Variants in COL24A1 observed in about 807,000 individuals in gnomAD.
The protein encoded by COL24A1 is collagen type XXIV alpha 1 chain, also known as collagen alpha-1(XXIV) chain.
COL24A1 carries 224 observed loss-of-function variants against 253.9 expected under a neutral mutation model. The observed-to-expected ratio is 0.88, with a 90% CI of 0.79 to 0.99. The LOEUF (loss-of-function observed/expected upper bound fraction) is 0.99, where lower values mean the gene tolerates loss of function less well. Among genes scored for constraint, COL24A1 ranks in the 50% least tolerant of loss-of-function variants. The pLI, the probability that COL24A1 is intolerant of heterozygous loss-of-function variation, is 0.00. For missense variants in COL24A1, 2,131 were observed against 2,068.5 expected (o/e 1.03, Z -0.59); for synonymous variants, 685 against 673.7 (o/e 1.02, Z -0.26).
intron 5 of COL24A1, among the ~76,000 whole-genome samples, chr1:86,110,210 T>C (rs925970273): frequency 1.3e-5 from 2 of 151,764 alleles, no homozygotes; most frequent in Non-Finnish European, 2.9e-5. Context: ...ATATACACAA[T>C]GGAAATGGGA....
chr1:85,776,478 A>G (rs114037202), intron 52 of COL24A1, among the ~76,000 whole-genome samples: 23 of 120,096 alleles, frequency 1.9e-4, no homozygotes, highest in South Asian at 1.6e-3. Context: ...TGAAAATTTT[A>G]TATGTATATA....
chr1:86,013,558 A>G (rs489325), intron 19 of COL24A1, among the ~76,000 whole-genome samples: 47,334 of 152,140 alleles, frequency 0.31, 7,888 homozygotes, highest in Middle Eastern at 0.51. Flanking sequence ...AAACTGGGCC[A>G]GACATGGTGG....
intron 7 of COL24A1, among the ~76,000 whole-genome samples, chr1:86,088,759 T>C (rs1325802725): frequency 6.6e-6 from 1 of 152,172 alleles, no homozygotes; most frequent in Non-Finnish European, 1.5e-5. Flanking sequence ...TATAAGCAAG[T>C]AAACCTCACT....
At chr1:86,079,327 T>G (rs1702469872) in intron 7 of COL24A1, among the ~76,000 whole-genome samples, 1 of 152,142 alleles carries the variant, frequency 6.6e-6, no homozygotes, top group Non-Finnish European at 1.5e-5. Flanking sequence ...GACTTAAATC[T>G]AAAACCTCAA....
chr1:86,013,647 T>C (rs1409141283), intron 19 of COL24A1, among the ~76,000 whole-genome samples: 1 of 151,970 alleles, frequency 6.6e-6, no homozygotes, highest in African/African-American at 2.4e-5. Context: ...ACCAGCTTAG[T>C]CAACATGGCA....
chr1:85,823,655 A>T, intron 44 of COL24A1, 30 bp downstream of exon 44: 1 of 1,613,470 alleles, frequency 6.2e-7, no homozygotes, highest in Non-Finnish European at 8.5e-7. Flanking sequence ...ATTAATGTTA[A>T]TTTTTAGAAA....
intron 43 of COL24A1, among the ~76,000 whole-genome samples, chr1:85,828,934 A>C (rs1570796112): frequency 6.6e-6 from 1 of 150,524 alleles, no homozygotes. Flanking sequence ...TTTAAAGTTA[A>C]TATTGTTATG....
chr1:85,937,248 C>A lies in COL24A1; in HGVS notation c.2562+24001G>T, dbSNP rs141484579. Reference sequence around the variant, plus strand: ...CTTAAAAGGCAGTAACAGGGAACATCTTCTAATGAGCAAGTCTCAGGCAGT... The same window carrying A: ...CTTAAAAGGCAGTAACAGGGAACATATTCTAATGAGCAAGTCTCAGGCAGT... On this transcript the variant is annotated intron_variant, in intron 24 of 59. Transcript: ENST00000370571. 3.4e-5 allele frequency among the ~76,000 whole-genome samples: 5 copies of A among 147,808 alleles called. 1 individual carries two copies. Among genetic ancestry groups the A allele is most frequent in the African/African-American group, 1.2e-4 (5 of 40,376 alleles).
At chr1:86,116,889 A>G (rs1210943293) in intron 3 of COL24A1, among the ~76,000 whole-genome samples, 1 of 151,610 alleles carries the variant, frequency 6.6e-6, no homozygotes, top group Non-Finnish European at 1.5e-5. Flanking sequence ...CTGTTCAAAT[A>G]TTTTAGCAGC....
chr1:86,082,132 C>A (rs993810675), intron 7 of COL24A1, among the ~76,000 whole-genome samples: 1 of 151,988 alleles, frequency 6.6e-6, no homozygotes, highest in African/African-American at 2.4e-5. Context: ...GCATATCTCT[C>A]GAACTCATAA....
chr1:86,140,020 A>AT (rs886848077), intron 2 of COL24A1, among the ~76,000 whole-genome samples: 1 of 152,156 alleles, frequency 6.6e-6, no homozygotes, highest in Admixed American at 6.5e-5. Context: ...ATTTTATTTT[A>AT]TTTTTTCAAT....
At chr1:85,817,927 C>A in intron 46 of COL24A1, 107 bp downstream of exon 46, 1 of 898,078 alleles carries the variant, frequency 1.1e-6, no homozygotes, top group Non-Finnish European at 1.8e-6. Context: ...AAAAGACAAT[C>A]TGATTTATCC....
chr1:86,145,203 G>C (rs1016156549), intron 2 of COL24A1, among the ~76,000 whole-genome samples: 1 of 151,882 alleles, frequency 6.6e-6, no homozygotes, highest in African/African-American at 2.4e-5. Context: ...TTGTTTACTT[G>C]TCTTTTTCTT....
rs996848337 is a variant in COL24A1, at chr1:85,953,552, C to A, written c.2562+7697G>T. Among the ~76,000 whole-genome samples, 4 of 152,162 alleles carry A rather than the reference C, an allele frequency of 2.6e-5. 1 individual carries two copies. Among genetic ancestry groups the A allele is most frequent in the South Asian group, 4.1e-4 (2 of 4,828 alleles). ...TTACTTTACTGTTATCTCTAGCACA[C>A]ATTAAGTGTTCAGTAAGTGTCTTCT... On this transcript the variant is annotated intron_variant, in intron 24 of 59. Coordinates refer to ENST00000370571, the MANE Select transcript of COL24A1 (RefSeq NM_152890.7).
chr1:85,833,208 G>A (rs555842564), intron 43 of COL24A1, among the ~76,000 whole-genome samples: 18 of 152,032 alleles, frequency 1.2e-4, no homozygotes, highest in South Asian at 2.1e-4. Context: ...GAAAATTTTC[G>A]CAACCTACTC....
At chr1:85,817,509 A>G (rs1382710467) in intron 46 of COL24A1, among the ~76,000 whole-genome samples, 2 of 152,086 alleles carry the variant, frequency 1.3e-5, no homozygotes, top group Non-Finnish European at 2.9e-5. Flanking sequence ...GCTAGGGGAC[A>G]CCAGTAAAGT....
intron 6 of COL24A1, 48 bp downstream of exon 6, chr1:86,092,219 A>G: frequency 1.4e-6 from 2 of 1,396,198 alleles, no homozygotes; most frequent in Non-Finnish European, 2.0e-6. Flanking sequence ...TTATTTTAAA[A>G]TGCTTGAAAT....
At chr1:85,858,985 G>A (rs1042482232) in intron 37 of COL24A1, among the ~76,000 whole-genome samples, 5 of 151,894 alleles carry the variant, frequency 3.3e-5, no homozygotes, top group African/African-American at 9.7e-5. Context: ...TGGTCCTCCC[G>A]TCTCAGCCTC....
intron 57 of COL24A1, among the ~76,000 whole-genome samples, chr1:85,744,369 A>AG (rs1664977608): frequency 6.6e-6 from 1 of 152,084 alleles, no homozygotes; most frequent in South Asian, 2.1e-4. Flanking sequence ...TGACTTACCA[A>AG]GTTCTGATGA....
Sources: allele counts gnomAD v4.1 joint callset (sites outside exome capture counted in the v4.1 genomes callset), GRCh38; gene constraint gnomAD v4.1.1; transcripts MANE v1.5; gene names NCBI Gene and HGNC (gene_info 2026-07-23, HGNC 2026-07-21).